LSAMP: variants seen among roughly 807,000 people sequenced by gnomAD.
LSAMP encodes the protein limbic system associated membrane protein.
LSAMP carries 7 observed loss-of-function variants against 38.6 expected under a neutral mutation model. The ratio of observed to expected loss-of-function variants is 0.18; its 90% CI spans 0.10 to 0.34. The LOEUF is 0.34. LSAMP is among the 10% of genes least tolerant of loss of function. LSAMP has a pLI of 1.00. For synonymous variants in LSAMP, 154 were observed against 166.8 expected, an observed-to-expected ratio of 0.92 and a Z score of 0.59; for missense variants, 313 against 420.0, an observed-to-expected ratio of 0.75 and a Z score of 2.23.
chr3:116,117,930 C>T (rs1021907826), intron 1 of LSAMP, among the ~76,000 whole-genome samples: 3 of 149,074 alleles, frequency 2.0e-5, no homozygotes, highest in Admixed American at 6.6e-5. Flanking sequence ...ATATTTATTT[C>T]GTATATCTTT....
Position 116,445,351 on chromosome 3 carries a change from CTG to C in LSAMP, c.-322_-321del. Reference sequence around the variant, plus strand: ...AGGAAAGGGTTCTTGTTTGGTCTCTCTGTGACTGGATGCTCCTCTGCCAGTGT... The same window carrying C: ...AGGAAAGGGTTCTTGTTTGGTCTCTCTGACTGGATGCTCCTCTGCCAGTGT... On this transcript the variant is annotated 5_prime_UTR_variant, in exon 1 of 7. Coordinates refer to ENST00000490035, the MANE Select transcript of LSAMP (RefSeq NM_002338.5). 1 of 534,714 alleles carries C rather than the reference CTG, an allele frequency of 1.9e-6. No homozygotes were observed. Among genetic ancestry groups the C allele is most frequent in the Non-Finnish European group, 3.3e-6 (1 of 306,036 alleles). 33.1% of individuals were successfully genotyped at this position (534,714 alleles called of 1,614,324 possible). A position where few individuals can be genotyped will look rare whatever the true frequency, so the allele number is the denominator to read the frequency against.
intron 1 of LSAMP, among the ~76,000 whole-genome samples, chr3:116,124,574 C>T (rs1394466536): frequency 2.2e-4 from 34 of 152,226 alleles, no homozygotes; most frequent in Non-Finnish European, 4.4e-5. Context: ...GATTGTATCA[C>T]CAACCATGTT....
intron 1 of LSAMP, among the ~76,000 whole-genome samples, chr3:116,186,824 G>C (rs1338098354): frequency 6.6e-6 from 1 of 152,014 alleles, no homozygotes; most frequent in Non-Finnish European, 1.5e-5. Context: ...TTGACCAGCA[G>C]GGCTTGCATC....
At chr3:116,437,054 TAC>T (rs574094536) in intron 1 of LSAMP, among the ~76,000 whole-genome samples, 2 of 150,156 alleles carry the variant, frequency 1.3e-5, no homozygotes, top group Non-Finnish European at 1.5e-5. Context: ...TATATATATA[TAC>T]ACACACACAA....
chr3:116,385,906 T>C (rs1034073651), intron 1 of LSAMP, among the ~76,000 whole-genome samples: 2 of 149,266 alleles, frequency 1.3e-5, no homozygotes, highest in African/African-American at 2.5e-5. Context: ...AAGGAATAGT[T>C]ATTATTATTG....
intron 1 of LSAMP, among the ~76,000 whole-genome samples, chr3:116,416,017 A>T (rs2049045312): frequency 6.6e-6 from 1 of 152,184 alleles, no homozygotes; most frequent in Non-Finnish European, 1.5e-5. Context: ...ATATTCTTGC[A>T]ATTCTAACAT....
intron 1 of LSAMP, among the ~76,000 whole-genome samples, chr3:116,215,408 TA>T (rs535528689): frequency 5.9e-5 from 9 of 152,144 alleles, no homozygotes; most frequent in African/African-American, 1.9e-4. Flanking sequence ...CTTTTTAAAG[TA>T]TTGAGCACTC....
intron 1 of LSAMP, among the ~76,000 whole-genome samples, chr3:116,204,778 A>G (rs1488512066): frequency 6.6e-6 from 1 of 150,774 alleles, no homozygotes; most frequent in Non-Finnish European, 1.5e-5. Flanking sequence ...TTTTGGTACC[A>G]GTACCATGCT....
At chr3:116,317,352 CTTTCT>C in intron 1 of LSAMP, among the ~76,000 whole-genome samples, 1 of 149,326 alleles carries the variant, frequency 6.7e-6, no homozygotes, top group Admixed American at 6.6e-5. Context: ...CAATCTCTTT[CTTTCT>C]TTTTTTTTTT....
At chr3:116,065,612 A>G (rs1186990881) in intron 2 of LSAMP, among the ~76,000 whole-genome samples, 1 of 152,208 alleles carries the variant, frequency 6.6e-6, no homozygotes, top group Non-Finnish European at 1.5e-5. Flanking sequence ...GGACTGTAAT[A>G]TCTAACACCA....
At chr3:116,271,371 G>T (rs939320438) in intron 1 of LSAMP, among the ~76,000 whole-genome samples, 1 of 151,894 alleles carries the variant, frequency 6.6e-6, no homozygotes, top group Non-Finnish European at 1.5e-5. Flanking sequence ...TCAGCAAATT[G>T]TATTTTATGC....
chr3:116,046,644 T>C (rs996370079), intron 2 of LSAMP, among the ~76,000 whole-genome samples: 2 of 152,174 alleles, frequency 1.3e-5, no homozygotes, highest in African/African-American at 2.4e-5. Flanking sequence ...CCCAGCAACG[T>C]CAGATACTTC....
intron 1 of LSAMP, among the ~76,000 whole-genome samples, chr3:116,237,290 A>T (rs1400985480): frequency 6.6e-6 from 1 of 152,162 alleles, no homozygotes; most frequent in Non-Finnish European, 1.5e-5. Context: ...TAATATGTGC[A>T]ACTCTTTGTT....
intron 3 of LSAMP, among the ~76,000 whole-genome samples, chr3:115,964,920 C>A (rs1400705272): frequency 6.6e-6 from 1 of 152,106 alleles, no homozygotes; most frequent in East Asian, 1.9e-4. Flanking sequence ...GTACCATATT[C>A]ATGAGTAAGA....
At chr3:116,013,902 C>T (rs538013445) in intron 3 of LSAMP, among the ~76,000 whole-genome samples, 1 of 152,256 alleles carries the variant, frequency 6.6e-6, no homozygotes, top group Admixed American at 6.5e-5. Context: ...ACTCTTTCTT[C>T]CCCTATTTTC....
At chr3:116,046,960 G>A (rs1344148144) in intron 2 of LSAMP, among the ~76,000 whole-genome samples, 6 of 152,142 alleles carry the variant, frequency 3.9e-5, no homozygotes, top group Admixed American at 6.6e-5. Context: ...GGCTGATCAG[G>A]TCAGAGTTTT....
chr3:115,966,042 A>C (rs1382057474), intron 3 of LSAMP, among the ~76,000 whole-genome samples: 1 of 152,200 alleles, frequency 6.6e-6, no homozygotes, highest in Admixed American at 6.5e-5. Flanking sequence ...ACTGGCAGAA[A>C]ACTACATTTC....
At chr3:116,396,760 G>C (rs1189499346) in intron 1 of LSAMP, among the ~76,000 whole-genome samples, 2 of 152,090 alleles carry the variant, frequency 1.3e-5, no homozygotes, top group East Asian at 3.9e-4. Context: ...TCAAACTTCT[G>C]ATATCCAAAC....
intron 1 of LSAMP, among the ~76,000 whole-genome samples, chr3:116,394,976 C>A (rs147483056): frequency 6.6e-6 from 1 of 152,138 alleles, no homozygotes; most frequent in East Asian, 1.9e-4. Flanking sequence ...GAGCTGTGCA[C>A]CAGCTTCCTA....
Sources: gnomAD v4.1 joint callset for allele counts (sites outside exome capture counted in the v4.1 genomes callset) on GRCh38, gnomAD v4.1.1 for gene constraint, MANE v1.5 for transcripts, NCBI Gene and HGNC (gene_info 2026-07-23, HGNC 2026-07-21) for gene names.